Variants in INSC observed in about 807,000 individuals in gnomAD.
INSC encodes the protein INSC spindle orientation adaptor protein, also known as protein inscuteable homolog.
In INSC, 67 loss-of-function variants were observed where a neutral mutation model predicts 58.6. That is an observed-to-expected ratio of 1.14 (90% CI 0.94 to 1.40). The LOEUF is 1.40. INSC is among the 40% of genes most tolerant of loss of function. The probability of loss-of-function intolerance (pLI) is 0.00; values close to 1 mark genes in which losing one functional copy is unlikely to be tolerated. For missense variants in INSC, 714 were observed against 692.0 expected, an observed-to-expected ratio of 1.03 and a Z score of -0.36; for synonymous variants, 262 against 276.1, an observed-to-expected ratio of 0.95 and a Z score of 0.51.
chr11:15,154,882 C>A (rs1848761731), intron 2 of INSC, among the ~76,000 whole-genome samples: 2 of 152,154 alleles, frequency 1.3e-5, no homozygotes. Context: ...CAAGTTCTTC[C>A]CATTCTTTCC....
upstream of INSC, chr11:15,114,881 G>T (rs1847653926): frequency 1.0e-6 from 1 of 954,684 alleles, no homozygotes; most frequent in Non-Finnish European, 1.2e-6. Flanking sequence ...GGGTGGGGCG[G>T]GGGCCAGGGG....
At chr11:15,113,012 G>A (rs1009716435), upstream of INSC, among the ~76,000 whole-genome samples, 2 of 152,090 alleles carry the variant, frequency 1.3e-5, no homozygotes, top group Admixed American at 6.6e-5. Flanking sequence ...TGCAAAACAG[G>A]TTTCTTTGAG....
chr11:15,266,892 T>C, the INSC span, among the ~76,000 whole-genome samples: 2 of 152,080 alleles, frequency 1.3e-5, no homozygotes, highest in East Asian at 1.9e-4. Context: ...AGGAAGACAC[T>C]CAGAGATGAT....
At chr11:15,259,410 AAT>A in the INSC span, among the ~76,000 whole-genome samples, 1 of 152,320 alleles carries the variant, frequency 6.6e-6, no homozygotes, top group South Asian at 2.1e-4. Context: ...TATAGATAAT[AAT>A]AGAGTTAAAT....
At chr11:15,266,602 A>T in the INSC span, among the ~76,000 whole-genome samples, 1 of 152,044 alleles carries the variant, frequency 6.6e-6, no homozygotes, top group Non-Finnish European at 1.5e-5. Flanking sequence ...CTATCTTATT[A>T]TGCACATCTT....
upstream of INSC, among the ~76,000 whole-genome samples, chr11:15,111,534 C>T (rs535597149): frequency 9.9e-5 from 15 of 152,256 alleles, no homozygotes; most frequent in South Asian, 6.2e-4. Context: ...CTGGACCAGT[C>T]CTGAGGCGCC....
intron 7 of INSC, among the ~76,000 whole-genome samples, chr11:15,209,717 G>A (rs575776530): frequency 5.1e-4 from 77 of 152,264 alleles, no homozygotes; most frequent in Admixed American, 8.5e-4. Flanking sequence ...TTTCTGGTTC[G>A]TTCTTCCTCA....
chr11:15,238,756 A>G (rs1367091270), intron 10 of INSC, among the ~76,000 whole-genome samples, 163 bp from the exon 11 acceptor site: 1 of 152,196 alleles, frequency 6.6e-6, no homozygotes, highest in East Asian at 1.9e-4. Flanking sequence ...TCAGGAGAAG[A>G]AGGCATGGAG....
At chr11:15,124,753 T>C (rs1280934069) in intron 1 of INSC, among the ~76,000 whole-genome samples, 4 of 152,152 alleles carry the variant, frequency 2.6e-5, no homozygotes, top group Non-Finnish European at 5.9e-5. Flanking sequence ...TCCATCTGCT[T>C]TGGCGGCTGA....
At chr11:15,256,170 C>T in the INSC span, among the ~76,000 whole-genome samples, 1 of 152,262 alleles carries the variant, frequency 6.6e-6, no homozygotes, top group Admixed American at 6.5e-5. Flanking sequence ...GGCATTAGCC[C>T]CATTTTGCAG....
chr11:15,236,772 C>T (rs1353975237), intron 10 of INSC, among the ~76,000 whole-genome samples: 1 of 152,238 alleles, frequency 6.6e-6, no homozygotes, highest in Non-Finnish European at 1.5e-5. Context: ...TGCCCGCTGC[C>T]TCTGCTCTTG....
At chr11:15,151,268 G>T (rs1222824315) in intron 2 of INSC, among the ~76,000 whole-genome samples, 5 of 152,146 alleles carry the variant, frequency 3.3e-5, no homozygotes, top group Non-Finnish European at 7.3e-5. Flanking sequence ...GATTTAGGTT[G>T]TATGTTCCTT....
chr11:15,221,965 C>T (rs78643555), intron 8 of INSC, among the ~76,000 whole-genome samples: 6 of 152,232 alleles, frequency 3.9e-5, no homozygotes, highest in Admixed American at 6.5e-5. Context: ...CAAATTTTGA[C>T]GTTCAGATAC....
chr11:15,235,543 G>A (rs769100831), intron 9 of INSC, 59 bp from the exon 10 acceptor site: 3 of 1,334,382 alleles, frequency 2.2e-6, no homozygotes, highest in Non-Finnish European at 3.2e-6. Context: ...CTGTCTGTAG[G>A]GAGGACTATT....
chr11:15,174,192 ATC>A (rs1231549526), intron 2 of INSC, among the ~76,000 whole-genome samples: 2 of 151,672 alleles, frequency 1.3e-5, no homozygotes, highest in African/African-American at 4.8e-5. Context: ...GCACTTGCTG[ATC>A]TCTCTCCTTG....
chr11:15,113,147 G>A (rs60789395), upstream of INSC, among the ~76,000 whole-genome samples: 4 of 113,830 alleles, frequency 3.5e-5, 1 homozygote, highest in Admixed American at 2.9e-4. Context: ...CTTTCTTTCT[G>A]TCTCTCTCTC....
the INSC span, among the ~76,000 whole-genome samples, chr11:15,254,827 G>A: frequency 6.6e-6 from 1 of 152,186 alleles, no homozygotes; most frequent in Non-Finnish European, 1.5e-5. Flanking sequence ...CATCTAGGCT[G>A]ATCTCTACAT....
At chr11:15,191,401 G>A (rs771480495) in intron 6 of INSC, among the ~76,000 whole-genome samples, 157 of 152,054 alleles carry the variant, frequency 1.0e-3, no homozygotes, top group Non-Finnish European at 1.8e-3. Flanking sequence ...AATATCAACC[G>A]TCTTTCTCCA....
chr11:15,112,375 A>T, upstream of INSC: 1 of 1,062,618 alleles, frequency 9.4e-7, no homozygotes, highest in Non-Finnish European at 1.4e-6. Context: ...AGGCCTTCTC[A>T]GGGCCATGGC....
Sources: gnomAD v4.1 joint callset for allele counts (sites outside exome capture counted in the v4.1 genomes callset) on GRCh38, gnomAD v4.1.1 for gene constraint, MANE v1.5 for transcripts, NCBI Gene and HGNC (gene_info 2026-07-23, HGNC 2026-07-21) for gene names.